The following CCSER1 variants were observed in gnomAD, a reference collection of about 807,000 sequenced individuals.
The protein encoded by CCSER1 is serine-rich coiled-coil domain-containing protein 1.
CCSER1 carries 41 observed loss-of-function variants against 82.0 expected under a neutral mutation model. The ratio of observed to expected loss-of-function variants is 0.50; its 90% CI spans 0.39 to 0.65. The LOEUF is 0.65. Ranked by LOEUF, CCSER1 falls within the 30% of genes least tolerant of loss-of-function variation. The probability of loss-of-function intolerance (pLI) is 0.00; values close to 1 mark genes in which losing one functional copy is unlikely to be tolerated. For missense variants in CCSER1, 1,119 were observed against 1,064.2 expected (o/e 1.05, Z -0.72); for synonymous variants, 414 against 383.9 (o/e 1.08, Z -0.92).
At chr4:90,485,405 C>A (rs971756621) in intron 5 of CCSER1, among the ~76,000 whole-genome samples, 1 of 152,158 alleles carries the variant, frequency 6.6e-6, no homozygotes, top group African/African-American at 2.4e-5. Context: ...CTGGCACTCC[C>A]CCGTGAGATG....
At chr4:90,777,875 T>C (rs1753148882) in intron 7 of CCSER1, among the ~76,000 whole-genome samples, 1 of 152,192 alleles carries the variant, frequency 6.6e-6, no homozygotes, top group Non-Finnish European at 1.5e-5. Context: ...CATTAATGTC[T>C]CAATGCTTAA....
intron 5 of CCSER1, among the ~76,000 whole-genome samples, chr4:90,492,784 G>A (rs1213668614): frequency 6.6e-6 from 1 of 152,160 alleles, no homozygotes; most frequent in Non-Finnish European, 1.5e-5. Flanking sequence ...GTACCCAGTA[G>A]TCATTCAGGA....
intron 10 of CCSER1, among the ~76,000 whole-genome samples, chr4:91,358,919 A>T (rs72880827): frequency 6.6e-6 from 1 of 151,814 alleles, no homozygotes; most frequent in Admixed American, 6.6e-5. Context: ...TCAGCTATCC[A>T]TCAGTCACCT....
At chr4:90,314,475 T>A (rs1735820146) in intron 3 of CCSER1, among the ~76,000 whole-genome samples, 1 of 152,210 alleles carries the variant, frequency 6.6e-6, no homozygotes, top group African/African-American at 2.4e-5. Context: ...TTCAACTTGC[T>A]CAAAGTTGTG....
intron 10 of CCSER1, among the ~76,000 whole-genome samples, chr4:91,502,600 T>C (rs1310966406): frequency 6.6e-6 from 1 of 152,212 alleles, no homozygotes; most frequent in African/African-American, 2.4e-5. Flanking sequence ...AGACCTCTTC[T>C]AACTGCAGCA....
chr4:91,532,670 T>C (rs547268520), intron 10 of CCSER1, among the ~76,000 whole-genome samples: 2 of 151,834 alleles, frequency 1.3e-5, no homozygotes, highest in South Asian at 2.1e-4. Context: ...AGCAGAAGGA[T>C]TGCCTGGGTA....
chr4:91,428,502 A>G (rs1474905339), intron 10 of CCSER1, among the ~76,000 whole-genome samples: 3 of 152,136 alleles, frequency 2.0e-5, no homozygotes, highest in East Asian at 3.9e-4. Context: ...TTAAAATAAG[A>G]CTATGATCTT....
intron 9 of CCSER1, among the ~76,000 whole-genome samples, chr4:90,975,613 C>A (rs1735541078): frequency 6.6e-6 from 1 of 151,158 alleles, no homozygotes. Flanking sequence ...CTAGTTACTG[C>A]AACTTCTCTC....
At chr4:90,476,211 C>A (rs184289608) in intron 5 of CCSER1, among the ~76,000 whole-genome samples, 10 of 152,266 alleles carry the variant, frequency 6.6e-5, no homozygotes, top group African/African-American at 1.9e-4. Flanking sequence ...TGTGTCACAT[C>A]CCTTCTCCAG....
At chr4:91,228,945 G>A (rs1276426846) in intron 10 of CCSER1, among the ~76,000 whole-genome samples, 1 of 152,120 alleles carries the variant, frequency 6.6e-6, no homozygotes, top group South Asian at 2.1e-4. Context: ...ATCTTGTAAC[G>A]GAAAGACAAC....
intron 10 of CCSER1, among the ~76,000 whole-genome samples, chr4:91,367,011 GAGCTGAGCAC>G (rs1749658957): frequency 1.3e-5 from 2 of 151,142 alleles, no homozygotes; most frequent in African/African-American, 2.4e-5. Context: ...AAAATATTAA[GAGCTGAGCAC>G]AGTGGCTCTT....
intron 1 of CCSER1, among the ~76,000 whole-genome samples, chr4:90,180,983 A>T (rs1208578390): frequency 6.6e-6 from 1 of 151,592 alleles, no homozygotes; most frequent in Non-Finnish European, 1.5e-5. Context: ...CAATTTCTTT[A>T]TATATATATA....
chr4:90,363,400 A>T (rs1745722515), intron 3 of CCSER1, among the ~76,000 whole-genome samples: 3 of 152,166 alleles, frequency 2.0e-5, no homozygotes. Flanking sequence ...ACTTTTTGAC[A>T]TATAATAGTT....
chr4:90,630,420 T>C (rs1223881536), intron 6 of CCSER1, among the ~76,000 whole-genome samples: 1 of 152,218 alleles, frequency 6.6e-6, no homozygotes, highest in African/African-American at 2.4e-5. Flanking sequence ...AAATATTCAG[T>C]GATATTCACT....
intron 10 of CCSER1, among the ~76,000 whole-genome samples, chr4:91,125,689 A>G (rs755193241): frequency 6.6e-6 from 1 of 151,680 alleles, no homozygotes; most frequent in Non-Finnish European, 1.5e-5. Flanking sequence ...AAATAGGCCT[A>G]TTTTATTTCT....
At chr4:91,089,732 C>T (rs1358227756) in intron 10 of CCSER1, among the ~76,000 whole-genome samples, 1 of 152,106 alleles carries the variant, frequency 6.6e-6, no homozygotes, top group Non-Finnish European at 1.5e-5. Context: ...AGTTTTAAAT[C>T]CTCCTATTGC....
intron 5 of CCSER1, among the ~76,000 whole-genome samples, chr4:90,507,237 T>C (rs927393955): frequency 1.3e-5 from 2 of 149,056 alleles, no homozygotes; most frequent in East Asian, 3.9e-4. Context: ...GAACAAAGCT[T>C]AAAAAAAAAT....
At chr4:91,139,677 T>G (rs7657595) in intron 10 of CCSER1, among the ~76,000 whole-genome samples, 110,829 of 151,964 alleles carry the variant, frequency 0.73, 40,682 homozygotes, top group Non-Finnish European at 0.78. Context: ...AATATTTGTG[T>G]TAACATTTAA....
At chr4:91,133,420 C>T (rs563970198) in intron 10 of CCSER1, among the ~76,000 whole-genome samples, 7 of 152,118 alleles carry the variant, frequency 4.6e-5, no homozygotes, top group East Asian at 1.9e-4. Flanking sequence ...AGGAAGTCAG[C>T]GAATGAGTAA....
Sources: gnomAD v4.1 joint callset for allele counts (sites outside exome capture counted in the v4.1 genomes callset) on GRCh38, gnomAD v4.1.1 for gene constraint, MANE v1.5 for transcripts, NCBI Gene and HGNC (gene_info 2026-07-23, HGNC 2026-07-21) for gene names.